The following MYBL2 variants were observed in gnomAD, a reference collection of about 807,000 sequenced individuals.
MYBL2 encodes the protein MYB proto-oncogene like 2, also known as myb-related protein B.
MYBL2 carries 28 observed loss-of-function variants against 79.9 expected under a neutral mutation model. The observed-to-expected ratio is 0.35, with a 90% CI of 0.26 to 0.48. The LOEUF is 0.48. MYBL2 is among the 20% of genes least tolerant of loss of function. The pLI is 0.99. For missense variants in MYBL2, 735 were observed against 893.9 expected (o/e 0.82, Z 2.27); for synonymous variants, 378 against 361.2 (o/e 1.05, Z -0.53).
At position 43,670,393 on chromosome 20, in the gene MYBL2, TGACTGTA is replaced by T. The variant is rs751580621; in HGVS notation, c.20+3094_20+3100del. 3.4e-4 allele frequency among the ~76,000 whole-genome samples: 51 copies of T among 152,238 alleles called. 1 individual carries two copies. The highest frequency in any genetic ancestry group is 5.6e-4 in the Non-Finnish European group (38 of 68,044). ...TGAATTCCAGATCCTTCTGTATTGC[TGACTGTA>T]GACACCGTCCCTCCTTTCCTATTTC... is the stretch of plus-strand genomic sequence containing the variant. On this transcript the variant is annotated intron_variant, in intron 1 of 13. Transcript: ENST00000217026.
chr20:43,699,793 A>G lies in MYBL2; in HGVS notation c.700A>G (p.Thr234Ala). 1.9e-6 allele frequency: 3 copies of G among 1,614,060 alleles called. No homozygotes were observed. Among genetic ancestry groups the G allele is most frequent in the Non-Finnish European group, 2.5e-6 (3 of 1,180,014 alleles). Residue 234 changes from threonine (T) to alanine (A), a missense_variant, in exon 7 of 14, where the codon ACC (threonine) becomes GCC (alanine). By Grantham distance (58) the Thr-to-Ala change is moderately conservative. Around this residue, in one of 5 missense-constraint regions of MYBL2, gnomAD observed 144 missense variants for 131.9 expected, o/e 1.09. Transcript: ENST00000217026. ...LLTNWPSVPP[T>A]IKEEENSEEE... ...GACCAACTGGCCCTCCGTCCCTCCTACCATAAAGGAGGAGGAAAACAGTGA... is the reference window on the plus strand; with the variant it reads ...GACCAACTGGCCCTCCGTCCCTCCTGCCATAAAGGAGGAGGAAAACAGTGA...
At chr20:43,682,418 C>G (rs1483210365) in intron 3 of MYBL2, among the ~76,000 whole-genome samples, 2 of 152,226 alleles carry the variant, frequency 1.3e-5, no homozygotes, top group African/African-American at 4.8e-5. Context: ...CAGATCCTTT[C>G]CTGCCCCATT....
chr20:43,675,039 G>T (rs571884266), intron 2 of MYBL2, among the ~76,000 whole-genome samples: 1 of 151,692 alleles, frequency 6.6e-6, no homozygotes. Context: ...CTGGAGTGCC[G>T]TGCTAGCATG....
In MYBL2 at chr20:43,667,117, T is replaced by A. The variant is rs1986729965; in HGVS notation, c.-167T>A. 3.4e-6 allele frequency: 1 copy of A among 290,842 alleles called. No homozygotes were observed. The highest frequency in any genetic ancestry group is 5.4e-5 in the Admixed American group (1 of 18,688). The allele number at this position is 290,842 out of a possible 1,614,324, so 18.0% of individuals were successfully genotyped here. Reference sequence around the variant, plus strand: ...TGCTTCAACCCGCGCCGGCGGCGACTGCAGTTCCTGCGAGCGAGGAGCGCG... The same window carrying A: ...TGCTTCAACCCGCGCCGGCGGCGACAGCAGTTCCTGCGAGCGAGGAGCGCG... On this transcript the variant is annotated 5_prime_UTR_variant, in exon 1 of 14. Coordinates refer to ENST00000217026, the MANE Select transcript of MYBL2 (RefSeq NM_002466.4).
chr20:43,705,413 C>T, intron 9 of MYBL2, 55 bp downstream of exon 9: 1 of 1,532,958 alleles, frequency 6.5e-7, no homozygotes, highest in Non-Finnish European at 8.8e-7. Flanking sequence ...CAACACCAGA[C>T]CATGGGCCTT....
chr20:43,673,847 A>T lies in MYBL2; in HGVS notation c.62A>T (p.Asp21Val). ...CTGCACTACCAGGACACAGATTCAG[A>T]TGTGCCGGAGCAGAGGGATAGCAAG... The part of the protein sequence containing the change: ...DELHYQDTDS[D>V]VPEQRDSKCK... Residue 21 changes from aspartate (D) to valine (V), a missense_variant, in exon 2 of 14, where the codon GAT becomes GTT. By Grantham distance (152) the Asp-to-Val change is radical (BLOSUM62 -3). This residue lies in a region of MYBL2 where 79 missense variants were observed against 86.7 expected (regional missense o/e 0.91). Coordinates refer to ENST00000217026, the MANE Select transcript of MYBL2 (RefSeq NM_002466.4). 1 of 1,559,326 alleles carries T rather than the reference A, an allele frequency of 6.4e-7. No individual in the cohort carries two copies. The highest frequency in any genetic ancestry group is 8.7e-7 in the Non-Finnish European group (1 of 1,150,614).
chr20:43,676,445 T>A (rs777587739), intron 2 of MYBL2, among the ~76,000 whole-genome samples: 1 of 152,234 alleles, frequency 6.6e-6, no homozygotes, highest in African/African-American at 2.4e-5. Context: ...AATGAAATCA[T>A]ACGGTTACAT....
Position 43,713,074 on chromosome 20 carries a change from A to G in MYBL2, c.1792A>G (p.Met598Val), listed in dbSNP as rs750932621. 2 of 1,613,142 alleles carry G rather than the reference A, an allele frequency of 1.2e-6. No individual in the cohort carries two copies. The highest frequency in any genetic ancestry group is 1.7e-5 in the Admixed American group (1 of 59,900). ...CATTGTGGATGAGGATGTGAAGCTG[A>G]TGATGTCCACACTGCCCAAGTCTCT... ...LDIVDEDVKLMMSTLPKSLSL... is the reference protein window; with the variant it reads ...LDIVDEDVKLVMSTLPKSLSL... Residue 598 changes from methionine to valine, a missense_variant, in exon 12 of 14, where the codon ATG becomes GTG. This residue lies in a region of MYBL2 where 204 missense variants were observed against 202.9 expected (regional missense o/e 1.01). Coordinates refer to ENST00000217026, the MANE Select transcript of MYBL2 (RefSeq NM_002466.4).
chr20:43,695,617 C>G lies in MYBL2; in HGVS notation c.663+3298C>G, dbSNP rs141938355. On this transcript the variant is annotated intron_variant, in intron 6 of 13. Coordinates refer to ENST00000217026, the MANE Select transcript of MYBL2 (RefSeq NM_002466.4). ...CTGTAATCCCAGCACTTTGTGAGGC[C>G]AAGTTGGGAGGATTCCTTGAGGCCA... Among the ~76,000 whole-genome samples the G allele has an allele frequency of 2.0e-3, 306 of 151,750 alleles. 3 individuals are homozygous for G. The highest frequency in any genetic ancestry group is 7.0e-3 in the African/African-American group (290 of 41,300).
At chr20:43,682,463 C>G (rs1325092866) in intron 3 of MYBL2, among the ~76,000 whole-genome samples, 1 of 152,250 alleles carries the variant, frequency 6.6e-6, no homozygotes, top group Non-Finnish European at 1.5e-5. Context: ...AATCTGAACT[C>G]TTCAGGGAAT....
Position 43,702,436 on chromosome 20 carries a change from CCT to C in MYBL2, c.952-51_952-50del, listed in dbSNP as rs1284328236. Reference sequence around the variant, plus strand: ...TAAATATTTCCCGTAATGAATGAGTCCTCTTGTATTAAGAGCATAGTAATTGC... The same window carrying C: ...TAAATATTTCCCGTAATGAATGAGTCCTTGTATTAAGAGCATAGTAATTGC... On this transcript the variant is annotated intron_variant, in intron 7 of 13. Coordinates refer to ENST00000217026, the MANE Select transcript of MYBL2 (RefSeq NM_002466.4). 6.6e-6 allele frequency: 10 copies of C among 1,505,722 alleles called. No individual in the cohort carries two copies. The Admixed American group carries it at 1.7e-4, about 26-fold the overall frequency. 93.3% of individuals were successfully genotyped at this position (1,505,722 alleles called of 1,614,324 possible).
At chr20:43,701,424 C>G (rs996332155) in intron 7 of MYBL2, among the ~76,000 whole-genome samples, 9 of 152,188 alleles carry the variant, frequency 5.9e-5, no homozygotes, top group Non-Finnish European at 1.3e-4. Context: ...GTGTCTGGGT[C>G]CACTCAGAAG....
rs764728244 is a variant in MYBL2, at chr20:43,705,324, C to T, written c.1471C>T (p.Arg491Trp). 4.3e-6 allele frequency: 7 copies of T among 1,613,402 alleles called. No individual in the cohort carries two copies. Among genetic ancestry groups the T allele is most frequent in the African/African-American group, 1.3e-5 (1 of 74,898 alleles). The change falls in exon 9 of 14, where the codon CGG becomes TGG. Residue 491 changes from arginine to tryptophan, a missense_variant. This residue lies in a region of MYBL2 where 243 missense variants were observed against 327.2 expected (regional missense o/e 0.74). Coordinates refer to ENST00000217026, the MANE Select transcript of MYBL2 (RefSeq NM_002466.4). ...QKVVVTTPLH[R>W]DKTPLHQKHA... is the part of the protein sequence containing the mutation. ...GGTGGTGGTCACCACACCACTGCAC[C>T]GGGACAAGACACCCCTGCACCAGAA... is the stretch of plus-strand genomic sequence containing the variant.
intron 1 of MYBL2, among the ~76,000 whole-genome samples, chr20:43,672,427 CAAA>C (rs3091561): frequency 1.4e-5 from 2 of 144,908 alleles, no homozygotes; most frequent in Non-Finnish European, 1.5e-5. Flanking sequence ...CCTGTCATTA[CAAA>C]AAAAAAAAAA....
chr20:43,712,184 G>C (rs1445125417), intron 11 of MYBL2, among the ~76,000 whole-genome samples: 7 of 152,162 alleles, frequency 4.6e-5, no homozygotes, highest in Non-Finnish European at 8.8e-5. Flanking sequence ...TTCTATGCCA[G>C]CCTCCCTCCC....
intron 1 of MYBL2, chr20:43,673,592 A>G: frequency 4.7e-6 from 3 of 632,202 alleles, no homozygotes; most frequent in Non-Finnish European, 5.9e-6. Flanking sequence ...AGCTACGATC[A>G]TGCCACACTG....
intron 2 of MYBL2, among the ~76,000 whole-genome samples, chr20:43,674,101 G>C (rs2273524): frequency 0.03 from 4,556 of 152,058 alleles, 237 homozygotes; most frequent in African/African-American, 0.094. Context: ...GGGTGGGAAG[G>C]GGATGTGTGT....
At chr20:43,710,474 G>A (rs1190586831) in intron 10 of MYBL2, among the ~76,000 whole-genome samples, 2 of 152,188 alleles carry the variant, frequency 1.3e-5, no homozygotes, top group Admixed American at 6.5e-5. Flanking sequence ...AAAGCCCCTC[G>A]GGGACGTCTT....
intron 2 of MYBL2, among the ~76,000 whole-genome samples, chr20:43,675,093 C>T (rs899496891): frequency 5.3e-5 from 8 of 152,068 alleles, no homozygotes; most frequent in South Asian, 2.1e-4. Flanking sequence ...AATCCTCCCC[C>T]GTCAGCCTCC....
Sources: gnomAD v4.1 joint callset for allele counts (sites outside exome capture counted in the v4.1 genomes callset) on GRCh38, gnomAD v4.1.1 for gene constraint, gnomAD v4.1.1 regional missense constraint, MANE v1.5 for transcripts, NCBI Gene and HGNC (gene_info 2026-07-23, HGNC 2026-07-21) for gene names.